Variants in GPR149 observed in about 807,000 individuals in gnomAD.
The protein encoded by GPR149 is G protein-coupled receptor 149, also known as probable G protein-coupled receptor 149.
Under a neutral mutation model 50.2 loss-of-function variants are expected in GPR149, and 50 were observed. The ratio of observed to expected loss-of-function variants is 1.00; its 90% CI spans 0.79 to 1.26. The LOEUF is 1.26. GPR149 is among the 50% of genes most tolerant of loss of function. GPR149 has a pLI of 0.00. For synonymous variants in GPR149, 405 were observed against 358.2 expected, an observed-to-expected ratio of 1.13 and a Z score of -1.48; for missense variants, 983 against 895.4, an observed-to-expected ratio of 1.10 and a Z score of -1.25.
At chr3:154,403,321 A>G (rs1350881230) in intron 3 of GPR149, among the ~76,000 whole-genome samples, 1 of 152,214 alleles carries the variant, frequency 6.6e-6, no homozygotes, top group African/African-American at 2.4e-5. Flanking sequence ...GAGATAAGAC[A>G]TAATTGGGTC....
rs3075921 is a variant in GPR149 at position 154,429,821 on chromosome 3, TAAAA to T, written c.-210_-207del. 6.1e-6 allele frequency: 2 copies of T among 329,314 alleles called. No homozygotes were observed. The highest frequency in any genetic ancestry group is 4.9e-5 in the East Asian group (1 of 20,348). The allele number at this position is 329,314 out of a possible 1,614,324, so 20.4% of individuals were successfully genotyped here. ...TAAAAATTAGGTTCCATTTCAAGCA[TAAAA>T]AAAAAAAAACCCGAACAGATAACTT... On this transcript the variant is annotated 5_prime_UTR_variant, in exon 1 of 4. The change creates a premature stop within an existing upstream ORF in the 5' untranslated region. Transcript: ENST00000389740.
At chr3:154,383,222 G>T (rs1714972334) in intron 3 of GPR149, among the ~76,000 whole-genome samples, 1 of 152,202 alleles carries the variant, frequency 6.6e-6, no homozygotes, top group Non-Finnish European at 1.5e-5. Context: ...TGACCCAGCT[G>T]TGGGAGAACT....
intron 3 of GPR149, among the ~76,000 whole-genome samples, chr3:154,404,104 T>G (rs1711613422): frequency 6.6e-6 from 1 of 152,246 alleles, no homozygotes; most frequent in Non-Finnish European, 1.5e-5. Context: ...TTGGAAATAT[T>G]TCTAACCTGT....
At chr3:154,353,015 T>A in intron 3 of GPR149, 1 of 1,333,326 alleles carries the variant, frequency 7.5e-7, no homozygotes. Context: ...CCACCAAAAC[T>A]TTAAAACTAT....
At chr3:154,396,060 C>T (rs1167532091) in intron 3 of GPR149, among the ~76,000 whole-genome samples, 1 of 152,086 alleles carries the variant, frequency 6.6e-6, no homozygotes, top group Non-Finnish European at 1.5e-5. Context: ...TTGTTCCAAA[C>T]AGATTTTTTT....
At chr3:154,359,052 C>T (rs773289457) in intron 3 of GPR149, among the ~76,000 whole-genome samples, 40 of 152,066 alleles carry the variant, frequency 2.6e-4, no homozygotes, top group Middle Eastern at 3.4e-3. Context: ...TGAAAAAAAT[C>T]GTTTAACTCC....
chr3:154,353,889 C>T, intron 3 of GPR149: 2 of 566,506 alleles, frequency 3.5e-6, no homozygotes, highest in South Asian at 1.9e-5. Flanking sequence ...AGAAGCTTTA[C>T]AGTCTCTTCA....
chr3:154,353,297 T>A, intron 3 of GPR149: 1 of 1,422,720 alleles, frequency 7.0e-7, no homozygotes, highest in Non-Finnish European at 9.9e-7. Context: ...GGTCAACCTG[T>A]TCATATCTGG....
At chr3:154,423,399 A>G (rs1712200396) in intron 2 of GPR149, among the ~76,000 whole-genome samples, 1 of 151,902 alleles carries the variant, frequency 6.6e-6, no homozygotes, top group Admixed American at 6.6e-5. Flanking sequence ...TCTTTATTTG[A>G]AATTGTTTTC....
chr3:154,349,673 A>G (rs1714021161), intron 3 of GPR149, among the ~76,000 whole-genome samples: 1 of 152,248 alleles, frequency 6.6e-6, no homozygotes, highest in Non-Finnish European at 1.5e-5. Context: ...AGTAAGGATT[A>G]ATATAAATTC....
At chr3:154,370,327 C>A (rs1426151636) in intron 3 of GPR149, among the ~76,000 whole-genome samples, 1 of 152,100 alleles carries the variant, frequency 6.6e-6, no homozygotes, top group East Asian at 1.9e-4. Context: ...CCAAAAGGGA[C>A]AAGCAAGATA....
At chr3:154,408,557 C>T (rs1711754826) in intron 3 of GPR149, among the ~76,000 whole-genome samples, 1 of 152,122 alleles carries the variant, frequency 6.6e-6, no homozygotes, top group African/African-American at 2.4e-5. Context: ...TGACTGTTGA[C>T]TTTCCCCCAC....
chr3:154,339,798 TTTTTTTTTTG>T (rs1713746554), intron 3 of GPR149, among the ~76,000 whole-genome samples: 1 of 136,586 alleles, frequency 7.3e-6, no homozygotes, highest in Non-Finnish European at 1.6e-5. Context: ...TTTTTTTTTT[TTTTTTTTTTG>T]AGACGAAGTC....
At chr3:154,428,607 C>T (rs1559993367) in intron 1 of GPR149, 28 bp downstream of exon 1, 2 of 1,595,658 alleles carry the variant, frequency 1.3e-6, no homozygotes, top group South Asian at 1.1e-5. Context: ...CACACACACT[C>T]GCGCTTTGTG....
chr3:154,420,935 A>T, intron 3 of GPR149, 104 bp downstream of exon 3: 1 of 789,134 alleles, frequency 1.3e-6, no homozygotes. Context: ...AAGTGAAGTT[A>T]ATGTTGGGCT....
chr3:154,377,348 A>AATTATTATTATTATTATT (rs59932456), intron 3 of GPR149, among the ~76,000 whole-genome samples: 4 of 139,252 alleles, frequency 2.9e-5, no homozygotes, highest in South Asian at 2.4e-4. Context: ...TCTGCTCTGT[A>AATTATTATTATTATTATT]ATTATTATTA....
chr3:154,347,327 A>T (rs1304072443), intron 3 of GPR149, among the ~76,000 whole-genome samples: 1 of 152,228 alleles, frequency 6.6e-6, no homozygotes, highest in Non-Finnish European at 1.5e-5. Flanking sequence ...TCATGACGGA[A>T]GAGGACACAA....
In GPR149 at chr3:154,394,247, T is replaced by C. The variant is rs971490388; in HGVS notation, c.1623+26792A>G. ...GACAAATGGAACAGAATAGAGAGCCTAGAAGTAAACCCACATTTATATAAT... is the reference window on the plus strand; with the variant it reads ...GACAAATGGAACAGAATAGAGAGCCCAGAAGTAAACCCACATTTATATAAT... On this transcript the variant is annotated intron_variant, in intron 3 of 3. Coordinates refer to ENST00000389740, the MANE Select transcript of GPR149 (RefSeq NM_001038705.3). 2.6e-5 allele frequency among the ~76,000 whole-genome samples: 4 copies of C among 151,952 alleles called. No individual in the cohort carries two copies. In the South Asian group the frequency reaches 6.2e-4, roughly 24 times the overall value.
rs756473206 is a variant in GPR149 at position 154,428,742 on chromosome 3, T to C, written c.874A>G (p.Asn292Asp). 1.9e-6 allele frequency: 3 copies of C among 1,614,072 alleles called. No individual in the cohort carries two copies. The highest frequency in any genetic ancestry group is 4.5e-5 in the East Asian group (2 of 44,852). The change falls in exon 1 of 4, where the codon AAC becomes GAC. Residue 292 changes from asparagine (N) to aspartate (D), a missense_variant. Transcript: ENST00000389740. ...CTGGTGCCATAGAGAGTCCCCCGGTTCTCACGCCTGCAGGCTTCAGCCCCA... is the reference window on the plus strand; with the variant it reads ...CTGGTGCCATAGAGAGTCCCCCGGTCCTCACGCCTGCAGGCTTCAGCCCCA... ...AAGAEACRRE[N>D]RGTLYGTRSF...
Sources: allele counts gnomAD v4.1 joint callset (sites outside exome capture counted in the v4.1 genomes callset), GRCh38; gene constraint gnomAD v4.1.1; transcripts MANE v1.5; gene names NCBI Gene and HGNC (gene_info 2026-07-23, HGNC 2026-07-21).